ARL15: variants seen among roughly 807,000 people sequenced by gnomAD.
ARL15 encodes the protein ADP-ribosylation factor-like protein 15.
ARL15 carries 19 observed loss-of-function variants against 25.2 expected under a neutral mutation model. The ratio of observed to expected loss-of-function variants is 0.75; its 90% CI spans 0.53 to 1.10. The LOEUF (loss-of-function observed/expected upper bound fraction) is 1.10, where lower values mean the gene tolerates loss of function less well. Among genes scored for constraint, ARL15 ranks in the 50% least tolerant of loss-of-function variants. The pLI, the probability that ARL15 is intolerant of heterozygous loss-of-function variation, is 0.00. For synonymous variants in ARL15, 94 were observed against 86.8 expected (o/e 1.08, Z -0.46); for missense variants, 220 against 246.0 (o/e 0.89, Z 0.71).
chr5:54,269,429 C>T (rs1296816590), intron 1 of ARL15, among the ~76,000 whole-genome samples: 1 of 152,046 alleles, frequency 6.6e-6, no homozygotes, highest in East Asian at 1.9e-4. Flanking sequence ...TCACATTTTA[C>T]ATTTCCTGTG....
intron 4 of ARL15, among the ~76,000 whole-genome samples, chr5:53,989,710 T>C (rs1748420315): frequency 6.6e-6 from 1 of 152,224 alleles, no homozygotes. Flanking sequence ...CTTTTCTCTG[T>C]AGGAAGACAG....
chr5:54,139,503 G>T (rs1753710308), intron 3 of ARL15, among the ~76,000 whole-genome samples: 1 of 152,154 alleles, frequency 6.6e-6, no homozygotes, highest in African/African-American at 2.4e-5. Context: ...ATGAACTTTG[G>T]AGACTTAGAA....
chr5:54,198,289 T>A (rs1013727275), intron 1 of ARL15, among the ~76,000 whole-genome samples: 6 of 152,208 alleles, frequency 3.9e-5, no homozygotes, highest in Non-Finnish European at 8.8e-5. Context: ...TTGGAAGTTC[T>A]GGCCGGGGCA....
At chr5:53,960,322 A>G (rs1474912541) in intron 4 of ARL15, among the ~76,000 whole-genome samples, 1 of 152,238 alleles carries the variant, frequency 6.6e-6, no homozygotes, top group East Asian at 1.9e-4. Context: ...ACATAATGAA[A>G]TAATCTATCC....
intron 4 of ARL15, among the ~76,000 whole-genome samples, chr5:53,934,611 C>T (rs900366806): frequency 6.6e-6 from 1 of 152,200 alleles, no homozygotes; most frequent in Admixed American, 6.5e-5. Context: ...GATGTTATTA[C>T]CCATTCTCCA....
intron 4 of ARL15, among the ~76,000 whole-genome samples, chr5:53,984,172 C>T (rs1317519460): frequency 1.3e-5 from 2 of 152,184 alleles, no homozygotes; most frequent in Admixed American, 6.5e-5. Flanking sequence ...ATATCATGGA[C>T]TCATTCTCAA....
intron 1 of ARL15, among the ~76,000 whole-genome samples, chr5:54,191,753 A>T (rs1278024028): frequency 6.6e-6 from 1 of 152,140 alleles, no homozygotes; most frequent in Non-Finnish European, 1.5e-5. Context: ...TCTTGCTTTG[A>T]TTATTCCAAA....
chr5:54,163,355 G>GTTTTTTTTTTTTTTTTTTTTTTTTTTTT lies in ARL15; in HGVS notation c.193+8428_193+8429insAAAAAAAAAAAAAAAAAAAAAAAAAAAA, dbSNP rs1754465268. On this transcript the variant is annotated intron_variant, in intron 2 of 4. Transcript: ENST00000504924. ...TGTCCATGAGGGCTATTGGTATGAA[G>GTTTTTTTTTTTTTTTTTTTTTTTTTTTT]CTTTTTTTTTTTTTTTTTTTTTTTT... Among the ~76,000 whole-genome samples the GTTTTTTTTTTTTTTTTTTTTTTTTTTTT allele has an allele frequency of 1.0e-3, 52 of 51,346 alleles. 23 individuals carry two copies. The highest frequency in any genetic ancestry group is 2.2e-3 in the African/African-American group (26 of 12,092). The allele number at this position is 51,346 out of a possible 152,430, so 33.7% of individuals were successfully genotyped here. A position where few individuals can be genotyped will look rare whatever the true frequency, so the allele number is the denominator to read the frequency against.
intron 4 of ARL15, among the ~76,000 whole-genome samples, chr5:53,919,972 G>C (rs1173010144): frequency 6.6e-6 from 1 of 152,086 alleles, no homozygotes; most frequent in Non-Finnish European, 1.5e-5. Flanking sequence ...GTCTTTGAAG[G>C]GATTGGGTAT....
intron 4 of ARL15, among the ~76,000 whole-genome samples, chr5:54,050,179 A>G (rs2111983886): frequency 6.6e-6 from 1 of 152,320 alleles, no homozygotes; most frequent in South Asian, 2.1e-4. Flanking sequence ...TTCTGCCTTA[A>G]GGCTGTGTCT....
At chr5:54,219,143 G>C (rs992722403) in intron 1 of ARL15, among the ~76,000 whole-genome samples, 6 of 151,938 alleles carry the variant, frequency 3.9e-5, no homozygotes. Flanking sequence ...GAAAACCCCA[G>C]ACATAAAGAG....
chr5:53,892,545 T>G (rs1368193076), intron 4 of ARL15, among the ~76,000 whole-genome samples: 5 of 152,232 alleles, frequency 3.3e-5, no homozygotes, highest in African/African-American at 1.2e-4. Flanking sequence ...ACTATAGGAA[T>G]CATGGTTTTG....
intron 4 of ARL15, among the ~76,000 whole-genome samples, chr5:54,032,319 C>A (rs1204651697): frequency 1.3e-5 from 2 of 151,850 alleles, no homozygotes; most frequent in South Asian, 4.1e-4. Flanking sequence ...TTGCAACCTC[C>A]GCCTCCTGGG....
At chr5:54,032,992 G>T (rs909500638) in intron 4 of ARL15, among the ~76,000 whole-genome samples, 1 of 151,506 alleles carries the variant, frequency 6.6e-6, no homozygotes, top group Non-Finnish European at 1.5e-5. Context: ...TATTTTTCAT[G>T]CCTGTGGAAG....
intron 4 of ARL15, among the ~76,000 whole-genome samples, chr5:53,982,640 A>C (rs1748163114): frequency 1.3e-5 from 2 of 152,268 alleles, no homozygotes; most frequent in African/African-American, 4.8e-5. Context: ...ATGCCACGGT[A>C]AATATACATG....
rs537338050 is a variant in ARL15, at chr5:54,139,908, T to C, written c.253+14672A>G. Among the ~76,000 whole-genome samples, 8 of 152,328 alleles carry C rather than the reference T, an allele frequency of 5.3e-5. 1 individual carries two copies. The South Asian group carries it at 1.4e-3, about 28-fold the overall frequency. On this transcript the variant is annotated intron_variant, in intron 3 of 4. Coordinates refer to ENST00000504924, the MANE Select transcript of ARL15 (RefSeq NM_019087.3). The stretch of plus-strand genomic sequence containing the variant: ...GATACACCTAAAGACTTTAAGCATC[T>C]TTTCTACATTTCTAAATTGAAAGCA...
At chr5:53,933,386 C>T (rs1056777902) in intron 4 of ARL15, among the ~76,000 whole-genome samples, 7 of 152,042 alleles carry the variant, frequency 4.6e-5, no homozygotes, top group African/African-American at 7.2e-5. Context: ...GTGGCTCACG[C>T]CTGTAATCCC....
intron 4 of ARL15, among the ~76,000 whole-genome samples, chr5:53,978,622 C>CAAAAAAAAAAAAAAAAAAAAAAAAAA (rs147288475): frequency 4.0e-5 from 3 of 74,594 alleles, no homozygotes; most frequent in Non-Finnish European, 7.4e-5. Context: ...CCTGTCTCTA[C>CAAAAAAAAAAAAAAAAAAAAAAAAAA]AAAAAAAAAA....
intron 2 of ARL15, among the ~76,000 whole-genome samples, chr5:54,160,907 T>C (rs1203865508): frequency 6.6e-6 from 1 of 152,156 alleles, no homozygotes; most frequent in Non-Finnish European, 1.5e-5. Context: ...AAATATTGCA[T>C]TTTTAATTGG....
Sources: gnomAD v4.1 joint callset for allele counts (sites outside exome capture counted in the v4.1 genomes callset) on GRCh38, gnomAD v4.1.1 for gene constraint, MANE v1.5 for transcripts, NCBI Gene and HGNC (gene_info 2026-07-23, HGNC 2026-07-21) for gene names.